LINGO2: variants seen among roughly 807,000 people sequenced by gnomAD.
LINGO2 encodes leucine-rich repeat and immunoglobulin-like domain-containing nogo receptor-interacting protein 2.
In LINGO2, 14 loss-of-function variants were observed where a neutral mutation model predicts 30.6. That is an observed-to-expected ratio of 0.46 (90% CI 0.30 to 0.72). LINGO2 has a LOEUF of 0.72. LINGO2 is among the 30% of genes least tolerant of loss of function. LINGO2 has a pLI of 0.07. For synonymous variants in LINGO2, 317 were observed against 288.5 expected (o/e 1.10, Z -1.00); for missense variants, 729 against 751.7 (o/e 0.97, Z 0.35).
At chr9:29,142,170 T>C in the LINGO2 span, among the ~76,000 whole-genome samples, 4 of 151,784 alleles carry the variant, frequency 2.6e-5, no homozygotes, top group Non-Finnish European at 4.4e-5. Flanking sequence ...AAGCAAATCA[T>C]AAAAAGTTCA....
Position 28,246,471 on chromosome 9 carries a change from TAAAC to T in LINGO2, c.-87+48733_-87+48736del, listed in dbSNP as rs539788544. Among the ~76,000 whole-genome samples, 22 of 152,128 alleles carry T rather than the reference TAAAC, an allele frequency of 1.4e-4. No homozygotes were observed. The South Asian group carries it at 4.6e-3, about 32-fold the overall frequency. On this transcript the variant is annotated intron_variant, in intron 4 of 5. Coordinates refer to ENST00000379992, the Ensembl canonical transcript of LINGO2. The stretch of plus-strand genomic sequence containing the variant: ...CCACACATCTACAACCATCTGATCT[TAAAC>T]AAACCTAACAAAAACAAGGAATAGG...
Position 28,496,398 on chromosome 9 carries a change from C to A in LINGO2, c.-364-20373G>T, listed in dbSNP as rs112043100. Among the ~76,000 whole-genome samples the A allele has an allele frequency of 8.5e-3, 1,287 of 151,718 alleles. 18 individuals carry two copies. Among genetic ancestry groups the A allele is most frequent in the African/African-American group, 0.03 (1,235 of 41,070 alleles). On this transcript the variant is annotated intron_variant, in intron 1 of 5. Coordinates refer to ENST00000379992, the Ensembl canonical transcript of LINGO2. ...GTTAGCTCTTCTTGTTGAATTGATC[C>A]CTTTACCATTATGTAATGGCCTTCT...
chr9:27,964,155 T>C (rs188462335), intron 5 of LINGO2, among the ~76,000 whole-genome samples: 32 of 152,236 alleles, frequency 2.1e-4, no homozygotes, highest in Admixed American at 1.6e-3. Flanking sequence ...ACTTTCAATA[T>C]TGAGGTTCAA....
the LINGO2 span, among the ~76,000 whole-genome samples, chr9:28,819,429 T>C: frequency 3.9e-5 from 6 of 152,198 alleles, no homozygotes. Context: ...TTTCATTGTA[T>C]AACATCTGAT....
chr9:28,413,469 C>G lies in LINGO2; in HGVS notation c.-278-40601G>C, dbSNP rs551543426. On this transcript the variant is annotated intron_variant, in intron 2 of 5. Coordinates refer to ENST00000379992, the Ensembl canonical transcript of LINGO2. ...ATTAAAGAAAAGTGATATGCGAACT[C>G]TATAGGCTTAAAATGCTTTCCCTCC... is the stretch of plus-strand genomic sequence containing the variant. Among the ~76,000 whole-genome samples, 4 of 152,214 alleles carry G rather than the reference C, an allele frequency of 2.6e-5. No homozygotes were observed. In the East Asian group the frequency reaches 5.8e-4, roughly 22 times the overall value.
chr9:28,887,015 CT>C, the LINGO2 span, among the ~76,000 whole-genome samples: 2 of 152,034 alleles, frequency 1.3e-5, no homozygotes, highest in African/African-American at 2.4e-5. Context: ...CATTTCATTG[CT>C]TAAGGTAATG....
chr9:28,248,577 A>G (rs1310856248), intron 4 of LINGO2, among the ~76,000 whole-genome samples: 1 of 152,172 alleles, frequency 6.6e-6, no homozygotes, highest in Non-Finnish European at 1.5e-5. Context: ...ACTGTAGTCA[A>G]TAATAATCTA....
chr9:29,108,298 T>TG, the LINGO2 span, among the ~76,000 whole-genome samples: 1 of 152,174 alleles, frequency 6.6e-6, no homozygotes, highest in African/African-American at 2.4e-5. Context: ...ATTGGAAGAC[T>TG]AGATAACTAG....
the LINGO2 span, among the ~76,000 whole-genome samples, chr9:28,913,681 C>G: frequency 6.6e-6 from 1 of 152,048 alleles, no homozygotes; most frequent in South Asian, 2.1e-4. Context: ...ATATTTCCTC[C>G]AAAATTAAAG....
At chr9:28,104,718 A>G (rs935586894) in intron 4 of LINGO2, among the ~76,000 whole-genome samples, 1 of 152,136 alleles carries the variant, frequency 6.6e-6, no homozygotes, top group Non-Finnish European at 1.5e-5. Flanking sequence ...CAAATTTGCC[A>G]TAATTTAAAT....
At chr9:28,013,732 TTC>T (rs1377272632) in intron 4 of LINGO2, among the ~76,000 whole-genome samples, 8 of 152,290 alleles carry the variant, frequency 5.3e-5, no homozygotes, top group South Asian at 2.1e-4. Context: ...ACAAAGATAT[TTC>T]TGATTCTTTT....
At chr9:28,413,236 C>A (rs1048502448) in intron 2 of LINGO2, among the ~76,000 whole-genome samples, 3 of 152,006 alleles carry the variant, frequency 2.0e-5, no homozygotes, top group Admixed American at 2.0e-4. Context: ...CCCTAACCCC[C>A]ACCCCATATT....
intron 1 of LINGO2, among the ~76,000 whole-genome samples, chr9:28,575,690 C>T (rs1437072096): frequency 6.6e-6 from 1 of 151,898 alleles, no homozygotes; most frequent in South Asian, 2.1e-4. Context: ...ACACCTGAAA[C>T]TAAAATAAAA....
At chr9:28,478,307 A>T (rs1412229) in intron 1 of LINGO2, among the ~76,000 whole-genome samples, 72,642 of 151,946 alleles carry the variant, frequency 0.48, 18,986 homozygotes, top group Middle Eastern at 0.64. Context: ...ACTAAAATAT[A>T]TGCAGCCCTC....
intron 1 of LINGO2, among the ~76,000 whole-genome samples, chr9:28,550,765 A>G (rs1036976740): frequency 2.2e-4 from 34 of 151,918 alleles, no homozygotes; most frequent in African/African-American, 8.2e-4. Context: ...AGCTACATGC[A>G]TCAATGTAAG....
At chr9:28,308,975 C>G (rs1348890450) in intron 3 of LINGO2, among the ~76,000 whole-genome samples, 1 of 152,130 alleles carries the variant, frequency 6.6e-6, no homozygotes, top group African/African-American at 2.4e-5. Context: ...CACTTTTACA[C>G]TGTTGGTGGG....
chr9:28,559,190 G>A lies in LINGO2; in HGVS notation c.-364-83165C>T, dbSNP rs1822909560. On this transcript the variant is annotated intron_variant, in intron 1 of 5. Transcript: ENST00000379992. ...TTTATTGGAAGAGTTGTGAGTATTT[G>A]ATCTTGCAGATTACTAATACTCTCC... 4.6e-5 allele frequency among the ~76,000 whole-genome samples: 7 copies of A among 152,096 alleles called. No individual in the cohort carries two copies. The South Asian group carries it at 1.4e-3, about 31-fold the overall frequency.
chr9:28,864,786 TA>T, the LINGO2 span, among the ~76,000 whole-genome samples: 1 of 151,982 alleles, frequency 6.6e-6, no homozygotes, highest in Admixed American at 6.6e-5. Flanking sequence ...AATATTTAAA[TA>T]AAAAATTTGT....
the LINGO2 span, among the ~76,000 whole-genome samples, chr9:29,050,304 C>T: frequency 6.6e-6 from 1 of 152,194 alleles, no homozygotes; most frequent in Non-Finnish European, 1.5e-5. Context: ...GGATTACAGG[C>T]GTAGCCACCA....
Sources: gnomAD v4.1 joint callset for allele counts (sites outside exome capture counted in the v4.1 genomes callset) on GRCh38, gnomAD v4.1.1 for gene constraint, MANE v1.5 for transcripts, NCBI Gene and HGNC (gene_info 2026-07-23, HGNC 2026-07-21) for gene names.